The following BAALC variants were observed in gnomAD, a reference collection of about 807,000 sequenced individuals.
BAALC encodes the protein BAALC binder of MAP3K1 and KLF4.
A neutral mutation model predicts 15.5 loss-of-function variants in BAALC; 9 were observed. The ratio of observed to expected loss-of-function variants is 0.58; its 90% CI spans 0.35 to 1.02. The LOEUF is 1.02. BAALC is among the 50% of genes least tolerant of loss of function. BAALC has a pLI of 0.02. For synonymous variants in BAALC, 80 were observed against 74.6 expected, an observed-to-expected ratio of 1.07 and a Z score of -0.37; for missense variants, 201 against 192.4, an observed-to-expected ratio of 1.04 and a Z score of -0.27.
intron 1 of BAALC, among the ~76,000 whole-genome samples, chr8:103,145,906 G>A (rs551531248): frequency 3.0e-4 from 45 of 152,122 alleles, no homozygotes; most frequent in African/African-American, 9.6e-4. Context: ...CATCTTATTG[G>A]TTTCAGTTTA....
At chr8:103,226,960 C>T (rs983710949) in intron 2 of BAALC, among the ~76,000 whole-genome samples, 3 of 152,118 alleles carry the variant, frequency 2.0e-5, no homozygotes, top group Non-Finnish European at 2.9e-5. Context: ...TCTCTGACTC[C>T]AAAGCTCAAA....
chr8:103,157,235 A>T lies in BAALC; in HGVS notation c.160+16178A>T, dbSNP rs552442226. Among the ~76,000 whole-genome samples, 11 of 152,300 alleles carry T rather than the reference A, an allele frequency of 7.2e-5. No homozygotes were observed. The South Asian group carries it at 2.1e-3, about 29-fold the overall frequency. ...GCTCAAAACAATTCTAGAACCCCTT[A>T]ATTGTAGCCTTAGACATTTTTTAAT... On this transcript the variant is annotated intron_variant, in intron 1 of 2. Transcript: ENST00000309982.
At chr8:103,210,673 C>A (rs1159412927) in intron 1 of BAALC, among the ~76,000 whole-genome samples, 1 of 152,200 alleles carries the variant, frequency 6.6e-6, no homozygotes, top group Non-Finnish European at 1.5e-5. Flanking sequence ...AAAATATAAA[C>A]CTACACAATT....
chr8:103,186,978 C>T (rs1811852730), intron 1 of BAALC, among the ~76,000 whole-genome samples: 1 of 152,198 alleles, frequency 6.6e-6, no homozygotes, highest in African/African-American at 2.4e-5. Context: ...CTCTCAGGAC[C>T]TTAGCCCTTT....
intron 2 of BAALC, among the ~76,000 whole-genome samples, chr8:103,220,957 A>G (rs1418905480): frequency 6.6e-6 from 1 of 152,226 alleles, no homozygotes; most frequent in Non-Finnish European, 1.5e-5. Flanking sequence ...AGGTACAGAT[A>G]TATTTGTGGA....
chr8:103,166,766 T>C (rs1056186657), intron 1 of BAALC, among the ~76,000 whole-genome samples: 35 of 152,322 alleles, frequency 2.3e-4, no homozygotes, highest in African/African-American at 7.9e-4. Flanking sequence ...GTAATAATCC[T>C]CTTAAAAGAA....
intron 1 of BAALC, among the ~76,000 whole-genome samples, chr8:103,195,210 G>A (rs1211157628): frequency 6.6e-6 from 1 of 152,020 alleles, no homozygotes; most frequent in Non-Finnish European, 1.5e-5. Flanking sequence ...TGGCAAGAGG[G>A]AAGGAAAGCC....
chr8:103,165,164 G>A (rs1325834907), intron 1 of BAALC, among the ~76,000 whole-genome samples: 1 of 152,138 alleles, frequency 6.6e-6, no homozygotes, highest in East Asian at 1.9e-4. Flanking sequence ...AGTTTGCATG[G>A]TTTCATGGCT....
intron 1 of BAALC, among the ~76,000 whole-genome samples, chr8:103,145,477 A>G (rs1192188825): frequency 1.3e-5 from 2 of 152,192 alleles, no homozygotes; most frequent in Non-Finnish European, 2.9e-5. Context: ...GTCCCTCTTG[A>G]TACAAGGGAC....
At chr8:103,212,853 T>C in intron 1 of BAALC, 66 bp from the exon 2 acceptor site, 1 of 1,497,172 alleles carries the variant, frequency 6.7e-7, no homozygotes, top group Non-Finnish European at 9.0e-7. Context: ...CTCCACCATT[T>C]TGGGATTGTT....
chr8:103,168,761 T>C (rs549675165), intron 1 of BAALC, among the ~76,000 whole-genome samples: 12 of 152,308 alleles, frequency 7.9e-5, no homozygotes, highest in African/African-American at 2.4e-4. Context: ...CTGTGTTGAA[T>C]TGATCTCATA....
intron 1 of BAALC, among the ~76,000 whole-genome samples, chr8:103,197,940 A>G (rs1179036491): frequency 6.6e-6 from 1 of 152,214 alleles, no homozygotes; most frequent in Non-Finnish European, 1.5e-5. Flanking sequence ...TATCAAAACT[A>G]TATCAGCCTT....
At chr8:103,192,929 G>A (rs1380929491) in intron 1 of BAALC, among the ~76,000 whole-genome samples, 2 of 152,176 alleles carry the variant, frequency 1.3e-5, no homozygotes, top group African/African-American at 4.8e-5. Context: ...ATCACCACCA[G>A]GGACAAGGAA....
At chr8:103,221,071 C>A (rs770533374) in intron 2 of BAALC, among the ~76,000 whole-genome samples, 3 of 152,296 alleles carry the variant, frequency 2.0e-5, no homozygotes, top group Non-Finnish European at 4.4e-5. Flanking sequence ...CAGGAGCAGC[C>A]AAGCTGTCCC....
At chr8:103,172,428 G>A (rs529912348) in intron 1 of BAALC, among the ~76,000 whole-genome samples, 5 of 129,220 alleles carry the variant, frequency 3.9e-5, no homozygotes, top group South Asian at 4.7e-4. Flanking sequence ...ACAGAGTCTC[G>A]CTCTATTGCC....
chr8:103,209,995 T>A (rs1812417093), intron 1 of BAALC, among the ~76,000 whole-genome samples: 1 of 152,216 alleles, frequency 6.6e-6, no homozygotes. Context: ...ACACCAAGCC[T>A]GCTTCCAGAG....
chr8:103,153,989 A>G (rs1018435515), intron 1 of BAALC, among the ~76,000 whole-genome samples: 5 of 152,196 alleles, frequency 3.3e-5, no homozygotes, highest in African/African-American at 1.2e-4. Context: ...AAGCACCTCA[A>G]TAAACAACTG....
chr8:103,158,959 T>C (rs1281585130), intron 1 of BAALC, among the ~76,000 whole-genome samples: 1 of 152,206 alleles, frequency 6.6e-6, no homozygotes, highest in Non-Finnish European at 1.5e-5. Context: ...TCTGAGATCA[T>C]GAATATGTTA....
chr8:103,147,321 G>A (rs541179714), intron 1 of BAALC, among the ~76,000 whole-genome samples: 2 of 152,280 alleles, frequency 1.3e-5, no homozygotes, highest in South Asian at 2.1e-4. Flanking sequence ...TAGAAAGAAT[G>A]AATAAGACCT....
Sources: allele counts gnomAD v4.1 joint callset (sites outside exome capture counted in the v4.1 genomes callset), GRCh38; gene constraint gnomAD v4.1.1; transcripts MANE v1.5; gene names NCBI Gene and HGNC (gene_info 2026-07-23, HGNC 2026-07-21).